The following GRID1 variants were observed in gnomAD, a reference collection of about 807,000 sequenced individuals.
GRID1 encodes the protein glutamate ionotropic receptor delta type subunit 1.
A neutral mutation model predicts 98.0 loss-of-function variants in GRID1; 28 were observed. The ratio of observed to expected loss-of-function variants is 0.29; its 90% CI spans 0.21 to 0.39. The LOEUF is 0.39. Among genes scored for constraint, GRID1 ranks in the 10% least tolerant of loss-of-function variants. The pLI, the probability that GRID1 is intolerant of heterozygous loss-of-function variation, is 1.00. For missense variants in GRID1, 1,111 were observed against 1,340.5 expected, an observed-to-expected ratio of 0.83 and a Z score of 2.67; for synonymous variants, 553 against 538.5, an observed-to-expected ratio of 1.03 and a Z score of -0.37.
intron 5 of GRID1, among the ~76,000 whole-genome samples, chr10:85,879,606 G>T (rs1034209825): frequency 4.6e-5 from 7 of 151,760 alleles, no homozygotes; most frequent in Non-Finnish European, 8.8e-5. Context: ...AGAATCTCTG[G>T]GACACATTCA....
intron 4 of GRID1, among the ~76,000 whole-genome samples, chr10:85,934,985 T>C (rs1156797283): frequency 6.6e-6 from 1 of 152,156 alleles, no homozygotes; most frequent in East Asian, 1.9e-4. Context: ...GTTCATGTCA[T>C]GGAAAAAAAG....
intron 8 of GRID1, among the ~76,000 whole-genome samples, chr10:85,770,737 G>T (rs1324253588): frequency 6.6e-6 from 1 of 152,180 alleles, no homozygotes; most frequent in Non-Finnish European, 1.5e-5. Flanking sequence ...GATGGAAGAT[G>T]AAATGAATGA....
At chr10:85,688,706 T>C (rs1590190725) in intron 12 of GRID1, among the ~76,000 whole-genome samples, 1 of 152,100 alleles carries the variant, frequency 6.6e-6, no homozygotes, top group Non-Finnish European at 1.5e-5. Context: ...AGTGGCCAGG[T>C]GGATGGTGGT....
At chr10:85,770,444 C>A (rs1280044111) in intron 8 of GRID1, among the ~76,000 whole-genome samples, 7 of 152,176 alleles carry the variant, frequency 4.6e-5, no homozygotes, top group African/African-American at 1.7e-4. Context: ...GAATGCAGCT[C>A]CTCATGAGCA....
chr10:85,743,925 G>A (rs765313741), intron 8 of GRID1, among the ~76,000 whole-genome samples: 41 of 152,116 alleles, frequency 2.7e-4, no homozygotes, highest in Non-Finnish European at 3.1e-4. Flanking sequence ...AAGTAAAGAA[G>A]GGATTCTGTT....
intron 3 of GRID1, among the ~76,000 whole-genome samples, chr10:86,194,969 C>A (rs973475971): frequency 6.6e-6 from 1 of 152,120 alleles, no homozygotes; most frequent in Non-Finnish European, 1.5e-5. Flanking sequence ...CCTGGGACTG[C>A]AAAGGCCTTT....
At chr10:86,034,577 T>C (rs1262297460) in intron 4 of GRID1, among the ~76,000 whole-genome samples, 1 of 151,876 alleles carries the variant, frequency 6.6e-6, no homozygotes, top group Non-Finnish European at 1.5e-5. Context: ...AAACATTCTT[T>C]CCGCAATACC....
At chr10:85,737,278 TG>T (rs927910730) in intron 8 of GRID1, among the ~76,000 whole-genome samples, 1 of 151,784 alleles carries the variant, frequency 6.6e-6, no homozygotes, top group Non-Finnish European at 1.5e-5. Context: ...AAGAGTGAAA[TG>T]GAAAGGAGAG....
chr10:85,775,536 G>C (rs868339720), intron 8 of GRID1, among the ~76,000 whole-genome samples: 1 of 152,166 alleles, frequency 6.6e-6, no homozygotes, highest in South Asian at 2.1e-4. Context: ...GACTCCTAGA[G>C]GAGGAAGGGA....
At chr10:86,160,031 A>G (rs974835108) in intron 3 of GRID1, among the ~76,000 whole-genome samples, 2 of 151,932 alleles carry the variant, frequency 1.3e-5, no homozygotes, top group Non-Finnish European at 2.9e-5. Flanking sequence ...CAACATCACC[A>G]CCATCAACAC....
intron 8 of GRID1, among the ~76,000 whole-genome samples, chr10:85,779,873 G>A (rs930621153): frequency 6.6e-6 from 1 of 152,190 alleles, no homozygotes; most frequent in Admixed American, 6.5e-5. Flanking sequence ...GGCACCATGT[G>A]CAGGGAAGCA....
chr10:86,001,871 C>G (rs1842806101), intron 4 of GRID1, among the ~76,000 whole-genome samples: 1 of 152,140 alleles, frequency 6.6e-6, no homozygotes, highest in Admixed American at 6.5e-5. Flanking sequence ...AAGGTGCCAG[C>G]AAGGCCGTGC....
At chr10:85,926,332 G>C (rs984673820) in intron 4 of GRID1, among the ~76,000 whole-genome samples, 1 of 152,144 alleles carries the variant, frequency 6.6e-6, no homozygotes. Flanking sequence ...GGGGCTCTGA[G>C]GTCTTAGGGA....
intron 4 of GRID1, among the ~76,000 whole-genome samples, chr10:86,037,323 T>C (rs1022919307): frequency 6.6e-6 from 1 of 152,196 alleles, no homozygotes; most frequent in Admixed American, 6.5e-5. Flanking sequence ...GGGAGCCTGA[T>C]GATCAAGAAC....
intron 8 of GRID1, among the ~76,000 whole-genome samples, chr10:85,778,481 C>CTCATCATT (rs1842352455): frequency 6.6e-6 from 1 of 152,150 alleles, no homozygotes; most frequent in Admixed American, 6.5e-5. Flanking sequence ...CCCTTTTCTG[C>CTCATCATT]TCATCATTAT....
intron 2 of GRID1, among the ~76,000 whole-genome samples, chr10:86,249,471 C>A (rs1290380641): frequency 6.6e-6 from 1 of 152,170 alleles, no homozygotes; most frequent in Non-Finnish European, 1.5e-5. Flanking sequence ...CTGATTGTGC[C>A]CCTAGCTTGG....
chr10:85,739,203 T>C (rs1386207481), intron 8 of GRID1, among the ~76,000 whole-genome samples: 1 of 152,082 alleles, frequency 6.6e-6, no homozygotes, highest in Non-Finnish European at 1.5e-5. Flanking sequence ...GGCCATGTGC[T>C]GAGGAGGTAG....
chr10:86,229,543 T>C (rs962532230), intron 2 of GRID1, among the ~76,000 whole-genome samples: 5 of 152,198 alleles, frequency 3.3e-5, no homozygotes, highest in African/African-American at 9.6e-5. Flanking sequence ...GGGCACCCTC[T>C]ATGAGTTTCA....
At chr10:86,104,340 G>A (rs1483142752) in intron 4 of GRID1, among the ~76,000 whole-genome samples, 1 of 152,196 alleles carries the variant, frequency 6.6e-6, no homozygotes, top group Non-Finnish European at 1.5e-5. Flanking sequence ...AGGTGCAGGG[G>A]TGGCCAGACA....
Sources: allele counts gnomAD v4.1 joint callset (sites outside exome capture counted in the v4.1 genomes callset), GRCh38; gene constraint gnomAD v4.1.1; transcripts MANE v1.5; gene names NCBI Gene and HGNC (gene_info 2026-07-23, HGNC 2026-07-21).